SKI: variants seen among roughly 807,000 people sequenced by gnomAD.
SKI encodes the protein SKI proto-oncogene, also known as ski oncogene.
SKI carries 23 observed loss-of-function variants against 59.3 expected under a neutral mutation model. The ratio of observed to expected loss-of-function variants is 0.39; its 90% confidence interval spans 0.28 to 0.55. The LOEUF is 0.55. Among genes scored for constraint, SKI ranks in the 20% least tolerant of loss-of-function variants. The pLI is 0.67. For missense variants in SKI, 1,017 were observed against 1,038.9 expected (o/e 0.98, Z 0.29); for synonymous variants, 673 against 488.6 (o/e 1.38, Z -4.98).
rs1442347865 is a variant in SKI at position 2,309,698 on chromosome 1, A to T, written c.*2933A>T. 4 of 13,946 alleles carry T rather than the reference A, an allele frequency of 2.9e-4. No homozygotes were observed. The highest frequency in any genetic ancestry group is 2.3e-3 in the Admixed American group (2 of 888). The allele number at this position is 13,946 out of a possible 1,614,324, so 0.9% of individuals were successfully genotyped here. On this transcript the variant is annotated 3_prime_UTR_variant, in exon 7 of 7. Transcript: ENST00000378536. ...CACCTCCTCCTCCCTGTGGGTCCGA[A>T]CCCCGGCCCCCCCACCCCCTCCTCC...
chr1:2,239,904 C>T (rs534534753), intron 1 of SKI, among the ~76,000 whole-genome samples: 27 of 152,246 alleles, frequency 1.8e-4, no homozygotes, highest in Admixed American at 1.0e-3. Flanking sequence ...GCTTCAGCTG[C>T]GTCCTTTGCG....
intron 1 of SKI, among the ~76,000 whole-genome samples, chr1:2,301,781 G>A (rs923356964): frequency 2.0e-5 from 3 of 152,250 alleles, no homozygotes; most frequent in East Asian, 1.9e-4. Flanking sequence ...CCCACCGCCC[G>A]ACTTTGCTGC....
Position 2,306,926 on chromosome 1 carries a change from C to T in SKI, c.*161C>T. On this transcript the variant is annotated 3_prime_UTR_variant, in exon 7 of 7. Transcript: ENST00000378536. ...TTTGTAACCATGTAGTTTTGGAACC[C>T]ACTGCAAAATTTTCTACTGGCCAAG... is the stretch of plus-strand genomic sequence containing the variant. 4 of 467,456 alleles carry T rather than the reference C, an allele frequency of 8.6e-6. No individual in the cohort carries two copies. The highest frequency in any genetic ancestry group is 9.9e-6 in the Non-Finnish European group (3 of 301,878). The allele number at this position is 467,456 out of a possible 1,614,324, so 29.0% of individuals were successfully genotyped here.
chr1:2,259,347 T>G (rs1639335728), intron 1 of SKI, among the ~76,000 whole-genome samples: 1 of 152,138 alleles, frequency 6.6e-6, no homozygotes, highest in South Asian at 2.1e-4. Flanking sequence ...AGAATAATTG[T>G]AACGCAGGGC....
chr1:2,241,072 G>C (rs1162122164), intron 1 of SKI, among the ~76,000 whole-genome samples: 1 of 152,258 alleles, frequency 6.6e-6, no homozygotes, highest in Non-Finnish European at 1.5e-5. Context: ...ACACATGGAA[G>C]AGGGAGCCCA....
rs887731777 is a variant in SKI at position 2,304,518 on chromosome 1, T to C, written c.1700T>C (p.Val567Ala). The C allele has an allele frequency of 1.9e-6, 3 of 1,582,396 alleles. No homozygotes were observed. The highest frequency in any genetic ancestry group is 2.6e-6 in the Non-Finnish European group (3 of 1,165,788). Residue 567 changes from valine to alanine, a missense_variant, in exon 5 of 7, where the codon GTC (valine) becomes GCC (alanine). Transcript: ENST00000378536. ...AAAGAGAAGTTCCTGCATGAGGTGG[T>C]CAAGATGCGCGTGAAGCAGGAGGAG... ...EAKEKFLHEV[V>A]KMRVKQEEKL...
At chr1:2,262,440 G>C (rs548381123) in intron 1 of SKI, among the ~76,000 whole-genome samples, 20 of 150,676 alleles carry the variant, frequency 1.3e-4, no homozygotes, top group African/African-American at 4.6e-4. Context: ...GGTGGGAGTG[G>C]TGGGAGTGGA....
chr1:2,228,979 G>A lies in SKI; in HGVS notation c.213G>A (p.Pro71=), dbSNP rs1421098216. The A allele has an allele frequency of 1.4e-6, 2 of 1,468,028 alleles. No individual in the cohort carries two copies. Among genetic ancestry groups the A allele is most frequent in the Admixed American group, 2.3e-5 (1 of 42,890 alleles). 90.9% of individuals were successfully genotyped at this position (1,468,028 alleles called of 1,614,324 possible). The change falls in exon 1 of 7, where the codon CCG becomes CCA. Residue 71 remains proline (P), a synonymous_variant. Coordinates refer to ENST00000378536, the MANE Select transcript of SKI (RefSeq NM_003036.4). ...PAPVPAATEP[P]PVLHLPAIQP... is the part of the protein sequence containing the mutation. ...CGGTGCCCGCAGCCACCGAGCCGCC[G>A]CCCGTGCTGCACCTGCCCGCCATCC...
intron 1 of SKI, among the ~76,000 whole-genome samples, chr1:2,279,581 G>A (rs539229491): frequency 1.3e-5 from 2 of 152,116 alleles, no homozygotes; most frequent in Non-Finnish European, 2.9e-5. Flanking sequence ...TGCAGGGGGA[G>A]GGGGGAGGGG....
chr1:2,273,285 T>G (rs1032163929), intron 1 of SKI, among the ~76,000 whole-genome samples: 5 of 151,920 alleles, frequency 3.3e-5, no homozygotes, highest in African/African-American at 1.2e-4. Context: ...AGCTGTGGGG[T>G]CCCTGTCCTG....
intron 1 of SKI, among the ~76,000 whole-genome samples, chr1:2,237,838 G>A (rs555302394): frequency 2.6e-5 from 4 of 152,358 alleles, no homozygotes; most frequent in East Asian, 3.9e-4. Context: ...CAGAACACGC[G>A]TGAACGCCTC....
intron 5 of SKI, among the ~76,000 whole-genome samples, chr1:2,305,610 T>G (rs1640552922): frequency 6.6e-6 from 1 of 152,138 alleles, no homozygotes; most frequent in Admixed American, 6.5e-5. Flanking sequence ...GCCGGGCGGA[T>G]GGACGTGTCC....
chr1:2,263,229 T>C (rs1440404694), intron 1 of SKI, among the ~76,000 whole-genome samples: 5 of 138,038 alleles, frequency 3.6e-5, no homozygotes, highest in Non-Finnish European at 6.1e-5. Context: ...AAAATTTTGC[T>C]TAGAATTTTT....
intron 1 of SKI, among the ~76,000 whole-genome samples, chr1:2,294,763 C>T (rs1025681215): frequency 6.6e-6 from 1 of 152,246 alleles, no homozygotes; most frequent in African/African-American, 2.4e-5. Flanking sequence ...GAGCCACCTG[C>T]TCTCCCAGGG....
intron 1 of SKI, among the ~76,000 whole-genome samples, chr1:2,231,846 A>G (rs570467527): frequency 6.6e-6 from 1 of 152,160 alleles, no homozygotes; most frequent in South Asian, 2.1e-4. Context: ...CTCCTGCTCT[A>G]TGTTCTTGAC....
chr1:2,233,447 C>T (rs559420342), intron 1 of SKI, among the ~76,000 whole-genome samples: 1 of 152,278 alleles, frequency 6.6e-6, no homozygotes, highest in East Asian at 1.9e-4. Context: ...TTGCTCTGTC[C>T]TGCAGATGCC....
intron 1 of SKI, among the ~76,000 whole-genome samples, chr1:2,230,778 A>G (rs1041671392): frequency 2.0e-5 from 3 of 152,104 alleles, no homozygotes; most frequent in African/African-American, 7.2e-5. Context: ...TGGCTCAGCT[A>G]TTCTTGGGAG....
intron 1 of SKI, among the ~76,000 whole-genome samples, chr1:2,242,241 G>A (rs935157273): frequency 1.3e-5 from 2 of 152,238 alleles, no homozygotes; most frequent in Admixed American, 1.3e-4. Flanking sequence ...AGTCAGGAGA[G>A]TAATCAGAGA....
At chr1:2,242,442 C>T (rs879840559) in intron 1 of SKI, among the ~76,000 whole-genome samples, 12 of 152,334 alleles carry the variant, frequency 7.9e-5, no homozygotes, top group East Asian at 3.9e-4. Context: ...TGTGGCCTAC[C>T]GTGGCCCCTT....
Sources: allele counts gnomAD v4.1 joint callset (sites outside exome capture counted in the v4.1 genomes callset), GRCh38; gene constraint gnomAD v4.1.1; transcripts MANE v1.5; gene names NCBI Gene and HGNC (gene_info 2026-07-23, HGNC 2026-07-21).